Variants in ANKRD45 observed in about 807,000 individuals in gnomAD.
ANKRD45 encodes ankyrin repeat domain-containing protein 45.
Under a neutral mutation model 28.1 loss-of-function variants are expected in ANKRD45, and 21 were observed. That is an observed-to-expected ratio of 0.75 (90% CI 0.53 to 1.08). The LOEUF (loss-of-function observed/expected upper bound fraction) is 1.08. Ranked by LOEUF, ANKRD45 falls within the 50% of genes least tolerant of loss-of-function variation. The probability of loss-of-function intolerance (pLI) is 0.00; values close to 1 mark genes in which losing one functional copy is unlikely to be tolerated. For synonymous variants in ANKRD45, 86 were observed against 103.9 expected (o/e 0.83, Z 1.05); for missense variants, 261 against 308.7 (o/e 0.85, Z 1.16).
the ANKRD45 span, among the ~76,000 whole-genome samples, chr1:173,690,075 C>G: frequency 5.8e-5 from 7 of 120,332 alleles, no homozygotes; most frequent in African/African-American, 2.0e-4. Flanking sequence ...CCCCCCCCCC[C>G]CGACCTCCCT....
intron 2 of ANKRD45, among the ~76,000 whole-genome samples, chr1:173,656,614 G>A (rs1004500514): frequency 5.3e-5 from 8 of 152,044 alleles, no homozygotes; most frequent in Admixed American, 2.0e-4. Flanking sequence ...TCAACATGAC[G>A]TCAACCAATT....
At chr1:173,701,910 CAAT>C in the ANKRD45 span, among the ~76,000 whole-genome samples, 2,105 of 151,854 alleles carry the variant, frequency 0.014, 46 homozygotes, top group African/African-American at 0.046. Context: ...TCGAAGCTCA[CAAT>C]AATAATATAA....
At chr1:173,698,380 A>ACTTATT in the ANKRD45 span, among the ~76,000 whole-genome samples, 11 of 152,124 alleles carry the variant, frequency 7.2e-5, no homozygotes, top group African/African-American at 2.7e-4. Flanking sequence ...TCTTCTCAGC[A>ACTTATT]CCACATTGTA....
the ANKRD45 span, among the ~76,000 whole-genome samples, chr1:173,687,020 AAACTGGATGACACCCCCTT>A: frequency 6.6e-6 from 1 of 152,188 alleles, no homozygotes; most frequent in Non-Finnish European, 1.5e-5. Context: ...GTTCACAGAA[AAACTGGATGACACCCCCTT>A]AACTTTAGCC....
At chr1:173,642,917 G>A (rs777759256) in intron 3 of ANKRD45, among the ~76,000 whole-genome samples, 10 of 152,106 alleles carry the variant, frequency 6.6e-5, no homozygotes, top group Admixed American at 2.0e-4. Context: ...CTTCGTGTGC[G>A]CTCTTGTGGC....
the ANKRD45 span, among the ~76,000 whole-genome samples, chr1:173,696,351 C>G: frequency 6.6e-6 from 1 of 152,256 alleles, no homozygotes; most frequent in Admixed American, 6.5e-5. Context: ...AATTATTTGC[C>G]AAGGCCAGTG....
At chr1:173,708,548 T>C in the ANKRD45 span, among the ~76,000 whole-genome samples, 1 of 152,232 alleles carries the variant, frequency 6.6e-6, no homozygotes, top group South Asian at 2.1e-4. Context: ...TTCTGTTCTT[T>C]GTAAATTACC....
chr1:173,629,359 G>A lies in ANKRD45; in HGVS notation c.497-2200C>T, dbSNP rs569095568. On this transcript the variant is annotated intron_variant, in intron 3 of 5. Transcript: ENST00000333279. ...AAAGAGATATGTGACCTTTCAGAGA[G>A]AGAATTCAAAATAGGTATTTTGAGG... 3.9e-5 allele frequency among the ~76,000 whole-genome samples: 6 copies of A among 152,240 alleles called. No homozygotes were observed. The East Asian group carries it at 1.2e-3, about 29-fold the overall frequency.
At chr1:173,613,150 G>A (rs534902042) in intron 5 of ANKRD45, among the ~76,000 whole-genome samples, 8 of 151,528 alleles carry the variant, frequency 5.3e-5, no homozygotes, top group South Asian at 2.1e-4. Context: ...AGTGAGGAGC[G>A]TCTCTGCCCA....
the ANKRD45 span, among the ~76,000 whole-genome samples, chr1:173,675,909 T>C: frequency 6.6e-6 from 1 of 152,206 alleles, no homozygotes; most frequent in African/African-American, 2.4e-5. Flanking sequence ...ATCTCAGATA[T>C]GACTTTTTTA....
At chr1:173,708,879 C>A in the ANKRD45 span, among the ~76,000 whole-genome samples, 1 of 152,118 alleles carries the variant, frequency 6.6e-6, no homozygotes, top group Non-Finnish European at 1.5e-5. Context: ...GCACTGGGAC[C>A]CCGGTCTTCT....
At chr1:173,705,730 T>G in the ANKRD45 span, among the ~76,000 whole-genome samples, 1 of 152,008 alleles carries the variant, frequency 6.6e-6, no homozygotes, top group Non-Finnish European at 1.5e-5. Flanking sequence ...TTAAGAACAT[T>G]TAATAAATAA....
chr1:173,622,705 T>C (rs1339151312), intron 5 of ANKRD45, among the ~76,000 whole-genome samples: 1 of 152,092 alleles, frequency 6.6e-6, no homozygotes, highest in East Asian at 1.9e-4. Context: ...ATAAAAACCC[T>C]AGAAGAAAAT....
At chr1:173,646,210 G>A (rs1174484367) in intron 3 of ANKRD45, among the ~76,000 whole-genome samples, 1 of 152,092 alleles carries the variant, frequency 6.6e-6, no homozygotes, top group Non-Finnish European at 1.5e-5. Flanking sequence ...ATTCAAAATA[G>A]TACTATTTTT....
At chr1:173,655,605 G>A (rs911457238) in intron 2 of ANKRD45, among the ~76,000 whole-genome samples, 2 of 152,208 alleles carry the variant, frequency 1.3e-5, no homozygotes, top group African/African-American at 2.4e-5. Flanking sequence ...GAGCTCAGAC[G>A]CCATGCTGGG....
the ANKRD45 span, among the ~76,000 whole-genome samples, chr1:173,706,413 A>C: frequency 6.7e-6 from 1 of 149,700 alleles, no homozygotes; most frequent in Non-Finnish European, 1.5e-5. Context: ...ATCTCAGCTC[A>C]CTGCAACCTC....
chr1:173,655,091 A>T (rs889746394), intron 2 of ANKRD45, among the ~76,000 whole-genome samples: 1 of 152,128 alleles, frequency 6.6e-6, no homozygotes, highest in Non-Finnish European at 1.5e-5. Context: ...TTCTGAAGCC[A>T]ACTTCTGTCA....
At chr1:173,656,234 T>C (rs1294521962) in intron 2 of ANKRD45, among the ~76,000 whole-genome samples, 1 of 152,250 alleles carries the variant, frequency 6.6e-6, no homozygotes, top group African/African-American at 2.4e-5. Flanking sequence ...TTGGCCATCT[T>C]GTAATGGACC....
At chr1:173,697,068 C>A in the ANKRD45 span, among the ~76,000 whole-genome samples, 3 of 151,948 alleles carry the variant, frequency 2.0e-5, no homozygotes, top group African/African-American at 7.3e-5. Flanking sequence ...AGGGTTTCAG[C>A]AATTGAAGAT....
Sources: gnomAD v4.1 joint callset for allele counts (sites outside exome capture counted in the v4.1 genomes callset) on GRCh38, gnomAD v4.1.1 for gene constraint, MANE v1.5 for transcripts, NCBI Gene and HGNC (gene_info 2026-07-23, HGNC 2026-07-21) for gene names.